CALCR: variants seen among roughly 807,000 people sequenced by gnomAD.
CALCR encodes calcitonin receptor.
CALCR carries 47 observed loss-of-function variants against 59.5 expected under a neutral mutation model. That is an observed-to-expected ratio of 0.79 (90% CI 0.63 to 1.01). The LOEUF (loss-of-function observed/expected upper bound fraction) is 1.01. Ranked by LOEUF, CALCR falls within the 50% of genes least tolerant of loss-of-function variation. The pLI is 0.00. For missense variants in CALCR, 566 were observed against 597.1 expected, an observed-to-expected ratio of 0.95 and a Z score of 0.54; for synonymous variants, 213 against 211.3, an observed-to-expected ratio of 1.01 and a Z score of -0.07.
chr7:93,545,952 A>C (rs1309596335), intron 2 of CALCR, among the ~76,000 whole-genome samples: 1 of 152,156 alleles, frequency 6.6e-6, no homozygotes, highest in Non-Finnish European at 1.5e-5. Flanking sequence ...AAGCTCTCCT[A>C]CACATATATA....
chr7:93,529,982 C>T (rs771976217), intron 2 of CALCR, among the ~76,000 whole-genome samples: 24 of 152,054 alleles, frequency 1.6e-4, no homozygotes, highest in Middle Eastern at 3.4e-3. Flanking sequence ...TTTTTCATTG[C>T]TCTTTATTGT....
chr7:93,478,033 T>A (rs1399868639), intron 4 of CALCR, among the ~76,000 whole-genome samples: 3 of 131,258 alleles, frequency 2.3e-5, no homozygotes, highest in South Asian at 4.7e-4. Flanking sequence ...TCTATAAAGG[T>A]ATGTATTCAA....
intron 2 of CALCR, among the ~76,000 whole-genome samples, chr7:93,531,952 G>C (rs768155543): frequency 4.6e-5 from 7 of 151,856 alleles, no homozygotes; most frequent in Admixed American, 2.6e-4. Flanking sequence ...AATTAACAAT[G>C]ATCATGAATG....
chr7:93,431,622 G>A (rs1799660715), intron 13 of CALCR, among the ~76,000 whole-genome samples: 1 of 152,186 alleles, frequency 6.6e-6, no homozygotes, highest in Admixed American at 6.5e-5. Context: ...TTTTTGAATT[G>A]ACTGAATATT....
At chr7:93,456,553 G>A (rs2115785827) in intron 8 of CALCR, among the ~76,000 whole-genome samples, 1 of 152,230 alleles carries the variant, frequency 6.6e-6, no homozygotes, top group Non-Finnish European at 1.5e-5. Context: ...TCATGAAGGG[G>A]ATGTCACAGA....
At chr7:93,442,314 A>G (rs1799923646) in intron 9 of CALCR, among the ~76,000 whole-genome samples, 3 of 152,152 alleles carry the variant, frequency 2.0e-5, no homozygotes, top group Admixed American at 6.5e-5. Flanking sequence ...AGCATCATCA[A>G]TTCAATTTTG....
chr7:93,486,739 T>G (rs1003605550), intron 3 of CALCR, among the ~76,000 whole-genome samples, 192 bp downstream of exon 3: 1 of 151,632 alleles, frequency 6.6e-6, no homozygotes, highest in Non-Finnish European at 1.5e-5. Context: ...AACACTAATT[T>G]AAATTAGAGA....
At chr7:93,509,639 T>G (rs958198374) in intron 2 of CALCR, among the ~76,000 whole-genome samples, 6 of 152,304 alleles carry the variant, frequency 3.9e-5, no homozygotes, top group Middle Eastern at 3.4e-3. Context: ...GAGATTAACT[T>G]TCTGCCAAAT....
At chr7:93,544,305 G>C (rs545455738) in intron 2 of CALCR, among the ~76,000 whole-genome samples, 3 of 152,042 alleles carry the variant, frequency 2.0e-5, no homozygotes, top group African/African-American at 7.2e-5. Context: ...ACTAGCTAAG[G>C]CTGGGTGTTC....
At chr7:93,487,072 C>A in intron 2 of CALCR, 65 bp from the exon 3 acceptor site, 1 of 813,940 alleles carries the variant, frequency 1.2e-6, no homozygotes, top group Non-Finnish European at 1.9e-6. Context: ...TATGGCATTT[C>A]ATTTTCATTT....
At chr7:93,483,000 G>A (rs2115908070) in intron 3 of CALCR, 2 of 420,764 alleles carry the variant, frequency 4.8e-6, no homozygotes, top group Non-Finnish European at 9.4e-6. Flanking sequence ...TACCCATTGG[G>A]GCATTACGTT....
At chr7:93,539,235 T>A (rs1228670019) in intron 2 of CALCR, among the ~76,000 whole-genome samples, 1 of 152,166 alleles carries the variant, frequency 6.6e-6, no homozygotes, top group Non-Finnish European at 1.5e-5. Flanking sequence ...AGGCTTCTTG[T>A]GAATTTTGTA....
chr7:93,547,273 C>T (rs1432962141), intron 2 of CALCR, among the ~76,000 whole-genome samples: 3 of 152,126 alleles, frequency 2.0e-5, no homozygotes, highest in African/African-American at 7.2e-5. Flanking sequence ...TTATGTTATA[C>T]ATAATGCTAT....
intron 8 of CALCR, among the ~76,000 whole-genome samples, chr7:93,458,133 C>T (rs1352906155): frequency 6.6e-6 from 1 of 152,098 alleles, no homozygotes. Flanking sequence ...GCAGGTAAGA[C>T]TGGACTTTGT....
At chr7:93,471,316 C>T (rs551961407) in intron 6 of CALCR, among the ~76,000 whole-genome samples, 1 of 151,878 alleles carries the variant, frequency 6.6e-6, no homozygotes, top group East Asian at 2.0e-4. Context: ...AACAGCTCTC[C>T]ATTAGGGTGT....
intron 6 of CALCR, among the ~76,000 whole-genome samples, chr7:93,469,275 T>C (rs1800504380): frequency 6.6e-6 from 1 of 151,568 alleles, no homozygotes. Context: ...ATATCATTAG[T>C]ATTTAGTTGG....
chr7:93,439,378 C>A (rs578094710), intron 9 of CALCR, among the ~76,000 whole-genome samples: 1 of 152,158 alleles, frequency 6.6e-6, no homozygotes, highest in Non-Finnish European at 1.5e-5. Context: ...CACTTGGGCT[C>A]AGAAAGAGAA....
chr7:93,534,967 A>T (rs1788948749), intron 2 of CALCR, among the ~76,000 whole-genome samples: 1 of 151,760 alleles, frequency 6.6e-6, no homozygotes, highest in Admixed American at 6.6e-5. Context: ...CCTTCATCTT[A>T]CAGATGAGAA....
intron 2 of CALCR, among the ~76,000 whole-genome samples, chr7:93,508,552 T>C (rs1473689421): frequency 6.6e-6 from 1 of 152,164 alleles, no homozygotes; most frequent in Non-Finnish European, 1.5e-5. Context: ...ATAAGCAGAG[T>C]TACAAATTTA....
Sources: allele counts gnomAD v4.1 joint callset (sites outside exome capture counted in the v4.1 genomes callset), GRCh38; gene constraint gnomAD v4.1.1; transcripts MANE v1.5; gene names NCBI Gene and HGNC (gene_info 2026-07-23, HGNC 2026-07-21).